Variants in RBPMS2 observed in about 807,000 individuals in gnomAD.
RBPMS2 encodes the protein RNA binding protein, mRNA processing factor 2.
RBPMS2 carries 14 observed loss-of-function variants against 25.7 expected under a neutral mutation model. That is an observed-to-expected ratio of 0.55 (90% CI 0.36 to 0.85). The LOEUF (loss-of-function observed/expected upper bound fraction) is 0.85. RBPMS2 is among the 40% of genes least tolerant of loss of function. The probability of loss-of-function intolerance (pLI) is 0.01; values close to 1 mark genes in which losing one functional copy is unlikely to be tolerated. For missense variants in RBPMS2, 252 were observed against 283.4 expected, an observed-to-expected ratio of 0.89 and a Z score of 0.80; for synonymous variants, 127 against 115.6, an observed-to-expected ratio of 1.10 and a Z score of -0.63.
intron 1 of RBPMS2, among the ~76,000 whole-genome samples, chr15:64,754,993 A>G (rs2083719575): frequency 6.6e-6 from 1 of 151,968 alleles, no homozygotes; most frequent in Admixed American, 6.6e-5. Flanking sequence ...ACCCACGGAA[A>G]CCTCTGCTTC....
chr15:64,750,218 G>A (rs1265480095), intron 3 of RBPMS2, 125 bp downstream of exon 3: 14 of 856,968 alleles, frequency 1.6e-5, no homozygotes, highest in Non-Finnish European at 2.6e-5. Context: ...TCAGAAACAG[G>A]ACAACAGGGA....
At chr15:64,742,023 G>T (rs1238024102) in intron 6 of RBPMS2, among the ~76,000 whole-genome samples, 1 of 151,882 alleles carries the variant, frequency 6.6e-6, no homozygotes, top group African/African-American at 2.4e-5. Context: ...AATTAGCCGG[G>T]CGTAGTGGTG....
intron 1 of RBPMS2, among the ~76,000 whole-genome samples, chr15:64,764,086 A>G (rs902501626): frequency 6.6e-6 from 1 of 152,172 alleles, no homozygotes; most frequent in African/African-American, 2.4e-5. Context: ...CGTGCCTTCC[A>G]TCAGGATCCA....
chr15:64,773,035 A>G (rs1196354805), intron 1 of RBPMS2, among the ~76,000 whole-genome samples: 2 of 152,178 alleles, frequency 1.3e-5, no homozygotes, highest in African/African-American at 4.8e-5. Context: ...CAGCGCCTTT[A>G]GGAATTGAGG....
chr15:64,741,129 G>A (rs750779206), intron 7 of RBPMS2, 44 bp downstream of exon 7: 20 of 1,447,458 alleles, frequency 1.4e-5, no homozygotes, highest in South Asian at 3.7e-5. Flanking sequence ...TCAGGGAGCC[G>A]GAGTCTAGGA....
At chr15:64,757,087 C>T (rs1181996655) in intron 1 of RBPMS2, among the ~76,000 whole-genome samples, 1 of 151,656 alleles carries the variant, frequency 6.6e-6, no homozygotes, top group African/African-American at 2.4e-5. Flanking sequence ...ATCTTCCTGC[C>T]TCAGCCTCCA....
At chr15:64,774,840 C>T (rs922074663) in intron 1 of RBPMS2, among the ~76,000 whole-genome samples, 1 of 151,488 alleles carries the variant, frequency 6.6e-6, no homozygotes, top group Admixed American at 6.6e-5. Flanking sequence ...CGCTCCGTGC[C>T]GCCGAGGCGG....
chr15:64,770,470 C>A (rs2083885263), intron 1 of RBPMS2, among the ~76,000 whole-genome samples: 1 of 152,134 alleles, frequency 6.6e-6, no homozygotes, highest in African/African-American at 2.4e-5. Flanking sequence ...GGCATAAATA[C>A]AACATACAGG....
intron 6 of RBPMS2, among the ~76,000 whole-genome samples, chr15:64,742,208 G>A (rs531598889): frequency 2.0e-5 from 3 of 152,240 alleles, no homozygotes; most frequent in South Asian, 2.1e-4. Context: ...CCCAAAGTCC[G>A]TGTAGACCCC....
chr15:64,775,292 G>A lies in RBPMS2; in HGVS notation c.28C>T (p.His10Tyr), dbSNP rs1444614895. The A allele has an allele frequency of 4.4e-6, 6 of 1,353,292 alleles. No individual in the cohort carries two copies. In the South Asian group the frequency reaches 8.5e-5, roughly 19 times the overall value. 83.8% of individuals were successfully genotyped at this position (1,353,292 alleles called of 1,614,324 possible). A position where few individuals can be genotyped will look rare whatever the true frequency, so the allele number is the denominator to read the frequency against. Reference sequence around the variant, plus strand: ...GAGCCGGTGCCGGTGCTGCCGCCGTGCTCGCCGTCCGGCTTCAGGTTGCTC... The same window carrying A: ...GAGCCGGTGCCGGTGCTGCCGCCGTACTCGCCGTCCGGCTTCAGGTTGCTC... MSNLKPDGE[H>Y]GGSTGTGSGA... is the part of the protein sequence containing the mutation. Residue 10 changes from histidine (H) to tyrosine (Y), a missense_variant, in exon 1 of 8, where the codon CAC becomes TAC. By Grantham distance (83) the His-to-Tyr change is moderately conservative (BLOSUM62 2). Coordinates refer to ENST00000300069, the MANE Select transcript of RBPMS2 (RefSeq NM_194272.3).
chr15:64,763,307 A>C (rs1445860647), intron 1 of RBPMS2, among the ~76,000 whole-genome samples: 1 of 152,128 alleles, frequency 6.6e-6, no homozygotes, highest in Non-Finnish European at 1.5e-5. Context: ...CTAGATCCAC[A>C]CACTCCACAA....
intron 1 of RBPMS2, among the ~76,000 whole-genome samples, chr15:64,773,445 T>C (rs2083906141): frequency 6.6e-6 from 1 of 152,234 alleles, no homozygotes; most frequent in African/African-American, 2.4e-5. Context: ...TGCGCGGATT[T>C]GGAACCACCA....
intron 1 of RBPMS2, among the ~76,000 whole-genome samples, chr15:64,765,272 C>T (rs1023276478): frequency 1.4e-5 from 2 of 144,382 alleles, no homozygotes; most frequent in African/African-American, 5.1e-5. Flanking sequence ...AAAATTAGCC[C>T]GGCGTGTTGG....
chr15:64,744,798 GTTTTTTTTTTT>G (rs748967917), intron 6 of RBPMS2, among the ~76,000 whole-genome samples: 17 of 46,302 alleles, frequency 3.7e-4, no homozygotes, highest in African/African-American at 1.1e-3. Flanking sequence ...GGTTTGTTTT[GTTTTTTTTTTT>G]TTTTTTTTTT....
chr15:64,743,081 A>G (rs1306542609), intron 6 of RBPMS2, among the ~76,000 whole-genome samples: 1 of 152,226 alleles, frequency 6.6e-6, no homozygotes, highest in Non-Finnish European at 1.5e-5. Flanking sequence ...CAGCTCAGGG[A>G]GCCCCTTAGT....
chr15:64,758,356 T>C (rs189320725), intron 1 of RBPMS2, among the ~76,000 whole-genome samples: 12 of 152,324 alleles, frequency 7.9e-5, no homozygotes, highest in African/African-American at 2.9e-4. Context: ...AGTCAGGTCC[T>C]CAGCACAGCT....
At chr15:64,756,345 G>A (rs1481308767) in intron 1 of RBPMS2, among the ~76,000 whole-genome samples, 1 of 152,124 alleles carries the variant, frequency 6.6e-6, no homozygotes, top group Non-Finnish European at 1.5e-5. Context: ...ATGAAACCCC[G>A]TCTCTACTAA....
At chr15:64,744,334 G>C (rs2083592723) in intron 6 of RBPMS2, among the ~76,000 whole-genome samples, 1 of 151,924 alleles carries the variant, frequency 6.6e-6, no homozygotes, top group African/African-American at 2.4e-5. Context: ...CGAGGCGGAC[G>C]GATCACCTGA....
chr15:64,749,507 G>A lies in RBPMS2; in HGVS notation c.205-14C>T. On this transcript the variant is annotated splice_polypyrimidine_tract_variant and intron_variant, in intron 3 of 7. Transcript: ENST00000300069. The stretch of plus-strand genomic sequence containing the variant: ...AAAACCAACAGGCTAGTAGGAAAAA[G>A]AGAGAACACCCTTATATCTCTCCTA... 1.2e-6 allele frequency: 2 copies of A among 1,608,926 alleles called. No homozygotes were observed. The highest frequency in any genetic ancestry group is 1.1e-5 in the South Asian group (1 of 90,592).
Sources: gnomAD v4.1 joint callset for allele counts (sites outside exome capture counted in the v4.1 genomes callset) on GRCh38, gnomAD v4.1.1 for gene constraint, MANE v1.5 for transcripts, NCBI Gene and HGNC (gene_info 2026-07-23, HGNC 2026-07-21) for gene names.